Variants in SAMD4A observed in about 807,000 individuals in gnomAD.
SAMD4A encodes the protein protein Smaug homolog 1.
SAMD4A carries 33 observed loss-of-function variants against 81.3 expected under a neutral mutation model. That is an observed-to-expected ratio of 0.41 (90% CI 0.31 to 0.54). SAMD4A has a LOEUF of 0.54. SAMD4A is among the 20% of genes least tolerant of loss of function. The pLI, the probability that SAMD4A is intolerant of heterozygous loss-of-function variation, is 0.37. For synonymous variants in SAMD4A, 389 were observed against 382.1 expected (o/e 1.02, Z -0.21); for missense variants, 854 against 951.1 (o/e 0.90, Z 1.34).
chr14:54,704,336 G>C (rs1316795759), intron 3 of SAMD4A, among the ~76,000 whole-genome samples: 2 of 152,200 alleles, frequency 1.3e-5, no homozygotes, highest in Non-Finnish European at 1.5e-5. Flanking sequence ...ATAGCTGGGA[G>C]AGATGCAAAC....
intron 2 of SAMD4A, among the ~76,000 whole-genome samples, chr14:54,604,758 A>G (rs1476050799): frequency 6.6e-6 from 1 of 152,226 alleles, no homozygotes; most frequent in African/African-American, 2.4e-5. Context: ...TATAAAACCT[A>G]TCATACATAC....
intron 3 of SAMD4A, among the ~76,000 whole-genome samples, chr14:54,710,023 T>A (rs1042365915): frequency 6.6e-6 from 1 of 152,198 alleles, no homozygotes; most frequent in African/African-American, 2.4e-5. Context: ...CAAATGAAAC[T>A]TGTTTTTATT....
At chr14:54,621,266 C>T (rs1320136212) in intron 2 of SAMD4A, among the ~76,000 whole-genome samples, 2 of 152,270 alleles carry the variant, frequency 1.3e-5, no homozygotes, top group East Asian at 3.9e-4. Context: ...CACAGACAGC[C>T]CAGATGTCAC....
rs140581570 is a variant in SAMD4A, at chr14:54,762,506, C to T, written c.1511-1949C>T. Among the ~76,000 whole-genome samples the T allele has an allele frequency of 2.6e-3, 397 of 152,262 alleles. 2 individuals are homozygous for T. The highest frequency in any genetic ancestry group is 9.2e-3 in the African/African-American group (383 of 41,542). On this transcript the variant is annotated intron_variant, in intron 7 of 12. Coordinates refer to ENST00000554335, the MANE Select transcript of SAMD4A (RefSeq NM_015589.6). ...ATGGCCAGGGTGGGCCCTCGCTCTC[C>T]CCCACCCACCCCTTAGCTGTGTTGG...
intron 3 of SAMD4A, among the ~76,000 whole-genome samples, chr14:54,713,087 T>C (rs1282206882): frequency 1.3e-5 from 2 of 152,190 alleles, no homozygotes; most frequent in Non-Finnish European, 2.9e-5. Context: ...AGGAAAACTT[T>C]TAAATTTGCA....
chr14:54,766,606 G>A (rs896422502), intron 8 of SAMD4A, among the ~76,000 whole-genome samples: 4 of 152,184 alleles, frequency 2.6e-5, no homozygotes, highest in Admixed American at 2.0e-4. Context: ...AGAGAGTGAT[G>A]TCTGCAGGGC....
intron 3 of SAMD4A, among the ~76,000 whole-genome samples, chr14:54,716,605 C>T (rs1452649941): frequency 1.3e-5 from 2 of 152,074 alleles, no homozygotes; most frequent in Non-Finnish European, 2.9e-5. Flanking sequence ...CGTTAGTCTT[C>T]ATTTGCCGGA....
chr14:54,682,048 T>C, intron 2 of SAMD4A: 4 of 985,344 alleles, frequency 4.1e-6, no homozygotes, highest in Non-Finnish European at 4.8e-6. Context: ...ATTATGAACA[T>C]GTGCCTGAGG....
intron 2 of SAMD4A, chr14:54,681,721 C>T: frequency 6.7e-6 from 6 of 899,546 alleles, no homozygotes; most frequent in Non-Finnish European, 8.0e-6. Context: ...TGTGAGCCAC[C>T]ACGCCCTGCC....
In SAMD4A at chr14:54,702,308, A is replaced by T. The variant is rs766691758; in HGVS notation, c.443A>T (p.Asn148Ile). The change falls in exon 3 of 13, where the codon AAT becomes ATT. Residue 148 changes from asparagine to isoleucine, a missense_variant. Coordinates refer to ENST00000554335, the MANE Select transcript of SAMD4A (RefSeq NM_015589.6). Reference protein sequence around the residue: ...EDRSALAMWLNHLEDRTSTSF... With the variant: ...EDRSALAMWLIHLEDRTSTSF... ...CGTAGTGCTTTAGCCATGTGGCTGA[A>T]TCACTTGGAGGACCGCACGTCGACC... 2.5e-6 allele frequency: 4 copies of T among 1,614,024 alleles called. No individual in the cohort carries two copies. In the Admixed American group the frequency reaches 6.7e-5, roughly 27 times the overall value.
chr14:54,584,101 A>G (rs1262368386), intron 2 of SAMD4A, among the ~76,000 whole-genome samples: 1 of 152,248 alleles, frequency 6.6e-6, no homozygotes, highest in African/African-American at 2.4e-5. Context: ...TTCATAAAGA[A>G]TAAATATTTC....
intron 11 of SAMD4A, among the ~76,000 whole-genome samples, chr14:54,782,937 C>A (rs1302803328): frequency 6.6e-6 from 1 of 152,156 alleles, no homozygotes; most frequent in Non-Finnish European, 1.5e-5. Flanking sequence ...GGCAAGTGGC[C>A]TGCAGGGGGA....
rs574891403 is a variant in SAMD4A at position 54,585,619 on chromosome 14, A to C, written c.196+17507A>C. ...CCCACTCCTTCCCCCGAGTCCCCAA[A>C]GTCCATTATATCATTCTTATGTCTT... On this transcript the variant is annotated intron_variant, in intron 2 of 12. Coordinates refer to ENST00000554335, the MANE Select transcript of SAMD4A (RefSeq NM_015589.6). Among the ~76,000 whole-genome samples, 6 of 152,196 alleles carry C rather than the reference A, an allele frequency of 3.9e-5. No individual in the cohort carries two copies. In the South Asian group the frequency reaches 1.0e-3, roughly 26 times the overall value.
intron 2 of SAMD4A, among the ~76,000 whole-genome samples, chr14:54,700,742 G>A (rs2036693858): frequency 6.6e-6 from 1 of 152,172 alleles, no homozygotes; most frequent in Non-Finnish European, 1.5e-5. Flanking sequence ...TCCCAAGACA[G>A]GCTATTTCTC....
chr14:54,744,710 A>C (rs1168926719), intron 4 of SAMD4A, among the ~76,000 whole-genome samples: 1 of 151,970 alleles, frequency 6.6e-6, no homozygotes. Flanking sequence ...AAAGTCTGCT[A>C]CTCCCAGAGC....
intron 9 of SAMD4A, among the ~76,000 whole-genome samples, chr14:54,771,616 T>A (rs979115411): frequency 2.6e-5 from 4 of 152,264 alleles, no homozygotes; most frequent in African/African-American, 9.6e-5. Context: ...AGGCAAGGTC[T>A]GCTTCCTTGG....
rs768364565 is a variant in SAMD4A, at chr14:54,776,437, G to C, written c.1941G>C (p.Gly647=). The C allele has an allele frequency of 6.3e-7, 1 of 1,591,036 alleles. No homozygotes were observed. Among genetic ancestry groups the C allele is most frequent in the Non-Finnish European group, 8.5e-7 (1 of 1,169,858 alleles). ...GRQNLWFANP[G]GSNSMPSRTH... is the part of the protein sequence containing the mutation. The stretch of plus-strand genomic sequence containing the variant: ...AGAACCTGTGGTTTGCCAACCCCGG[G>C]GGCAGCAATAGCATGCCAAGCCGCA... The change falls in exon 11 of 13, where the codon GGG becomes GGC. Residue 647 remains glycine (G), a synonymous_variant. Transcript: ENST00000554335.
At chr14:54,653,648 T>C (rs543119307) in intron 2 of SAMD4A, among the ~76,000 whole-genome samples, 29 of 152,248 alleles carry the variant, frequency 1.9e-4, no homozygotes, top group African/African-American at 6.7e-4. Flanking sequence ...CCTCTCAATA[T>C]TGTTTTTCAC....
At chr14:54,723,148 C>G (rs1404818517) in intron 3 of SAMD4A, among the ~76,000 whole-genome samples, 1 of 151,560 alleles carries the variant, frequency 6.6e-6, no homozygotes, top group Non-Finnish European at 1.5e-5. Flanking sequence ...GTCTGCTGCT[C>G]CTCCAGCATT....
Sources: gnomAD v4.1 joint callset for allele counts (sites outside exome capture counted in the v4.1 genomes callset) on GRCh38, gnomAD v4.1.1 for gene constraint, MANE v1.5 for transcripts, NCBI Gene and HGNC (gene_info 2026-07-23, HGNC 2026-07-21) for gene names.